The following SLC2A9 variants were observed in gnomAD, a reference collection of about 807,000 sequenced individuals.
SLC2A9 encodes the protein solute carrier family 2, facilitated glucose transporter member 9.
SLC2A9 carries 39 observed loss-of-function variants against 50.6 expected under a neutral mutation model. The ratio of observed to expected loss-of-function variants is 0.77; its 90% CI spans 0.60 to 1.01. The LOEUF is 1.01. SLC2A9 is among the 50% of genes least tolerant of loss of function. The pLI is 0.00. For missense variants in SLC2A9, 686 were observed against 677.6 expected (o/e 1.01, Z -0.14); for synonymous variants, 324 against 276.9 (o/e 1.17, Z -1.69).
intron 3 of SLC2A9, among the ~76,000 whole-genome samples, chr4:9,788,108 T>A (rs1289402722): frequency 6.6e-6 from 1 of 152,196 alleles, no homozygotes; most frequent in Non-Finnish European, 1.5e-5. Flanking sequence ...TCTTTCTAAA[T>A]GTATTGTTGG....
chr4:9,913,326 TGTGTGAGAGAGA>T (rs1006978821), intron 7 of SLC2A9, among the ~76,000 whole-genome samples: 4 of 129,772 alleles, frequency 3.1e-5, no homozygotes, highest in African/African-American at 1.3e-4. Flanking sequence ...TGTGTGTGTG[TGTGTGAGAGAGA>T]GAGAGAGAGA....
At chr4:10,006,879 A>G (rs1277354155) in intron 2 of SLC2A9, among the ~76,000 whole-genome samples, 3 of 151,836 alleles carry the variant, frequency 2.0e-5, no homozygotes, top group Non-Finnish European at 4.4e-5. Context: ...GAGAGTGCCT[A>G]TGTGACCACC....
intron 3 of SLC2A9, among the ~76,000 whole-genome samples, chr4:9,990,588 A>G (rs1757525822): frequency 6.6e-6 from 1 of 152,214 alleles, no homozygotes; most frequent in Admixed American, 6.5e-5. Context: ...ATTTCTTATG[A>G]TTTCTAACCC....
At chr4:9,966,217 A>C in intron 5 of SLC2A9, among the ~76,000 whole-genome samples, 1 of 152,234 alleles carries the variant, frequency 6.6e-6, no homozygotes, top group Non-Finnish European at 1.5e-5. Context: ...GCTCATATGT[A>C]CGAAAGCCTT....
At chr4:9,946,760 A>T (rs1181704415) in intron 5 of SLC2A9, among the ~76,000 whole-genome samples, 2 of 152,162 alleles carry the variant, frequency 1.3e-5, no homozygotes, top group Non-Finnish European at 1.5e-5. Flanking sequence ...ATGTCATCTA[A>T]ATACAACCTT....
rs115942145 is a variant in SLC2A9 at position 9,950,029 on chromosome 4, G to C, written c.682-7984C>G. On this transcript the variant is annotated intron_variant, in intron 5 of 11. Transcript: ENST00000264784. Reference sequence around the variant, plus strand: ...TGGCCACAGCTTTACTGAATCCTGGGGTGGGGAGCATGTGGCTGGTCGTGT... The same window carrying C: ...TGGCCACAGCTTTACTGAATCCTGGCGTGGGGAGCATGTGGCTGGTCGTGT... Among the ~76,000 whole-genome samples the C allele has an allele frequency of 3.5e-3, 527 of 152,180 alleles. 4 individuals are homozygous for C. The highest frequency in any genetic ancestry group is 0.012 in the African/African-American group (478 of 41,508).
downstream of SLC2A9, among the ~76,000 whole-genome samples, chr4:9,823,837 GTTTCATGTATTCTGTGA>G (rs1724736373): frequency 6.6e-6 from 1 of 152,190 alleles, no homozygotes; most frequent in Non-Finnish European, 1.5e-5. Flanking sequence ...TTGTAATTGT[GTTTCATGTATTCTGTGA>G]TTCCAACTGG....
chr4:9,887,368 C>CA (rs1235585813), intron 10 of SLC2A9, among the ~76,000 whole-genome samples, 199 bp downstream of exon 10: 1 of 152,172 alleles, frequency 6.6e-6, no homozygotes, highest in Non-Finnish European at 1.5e-5. Context: ...CAGGTGAGTC[C>CA]ACTTTCACCT....
intron 4 of SLC2A9, 115 bp downstream of exon 4, chr4:9,985,554 C>A: frequency 1.4e-6 from 2 of 1,425,864 alleles, no homozygotes; most frequent in Non-Finnish European, 1.9e-6. Flanking sequence ...TGGTCCCTGC[C>A]AAGTCAATGC....
At chr4:9,891,617 A>G (rs755083847) in intron 8 of SLC2A9, among the ~76,000 whole-genome samples, 7 of 152,226 alleles carry the variant, frequency 4.6e-5, no homozygotes, top group Non-Finnish European at 1.5e-5. Flanking sequence ...TATCACAAAA[A>G]GAGAACACGG....
intron 10 of SLC2A9, among the ~76,000 whole-genome samples, chr4:9,866,284 C>T (rs1732454372): frequency 6.6e-6 from 1 of 151,918 alleles, no homozygotes; most frequent in African/African-American, 2.4e-5. Context: ...GGCAGCTCCC[C>T]TCTGTTGAGA....
intron 11 of SLC2A9, among the ~76,000 whole-genome samples, chr4:9,832,025 T>C (rs10025644): frequency 6.6e-6 from 1 of 152,052 alleles, no homozygotes; most frequent in Admixed American, 6.5e-5. Context: ...AGCTCAGACT[T>C]CTACCTTCTA....
intron 5 of SLC2A9, among the ~76,000 whole-genome samples, chr4:9,959,902 T>C (rs1751978584): frequency 6.6e-6 from 1 of 152,176 alleles, no homozygotes. Context: ...TGAGTCACAT[T>C]CAGGGTCCGA....
rs139684538 is a variant in SLC2A9, at chr4:9,799,700, C to CTCCCA, written n.421-460_421-459insTGGGA. On this transcript the variant is annotated intron_variant and non_coding_transcript_variant, in intron 3 of 3. Coordinates refer to the SLC2A9 transcript ENST00000503280. ...AGCTCCATTCCAATTGTACCCCCCCCCCACCCAACTTCTACACCAGTTTTG... is the reference window on the plus strand; with the variant it reads ...AGCTCCATTCCAATTGTACCCCCCCCTCCCACCACCCAACTTCTACACCAGTTTTG... Among the ~76,000 whole-genome samples, 4 of 93,716 alleles carry CTCCCA rather than the reference C, an allele frequency of 4.3e-5. No individual in the cohort carries two copies. In the Admixed American group the frequency reaches 4.9e-4, roughly 12 times the overall value. 61.5% of individuals were successfully genotyped at this position (93,716 alleles called of 152,430 possible). A position where few individuals can be genotyped will look rare whatever the true frequency, so the allele number is the denominator to read the frequency against.
At chr4:9,976,133 A>C (rs1199890936) in intron 5 of SLC2A9, among the ~76,000 whole-genome samples, 1 of 152,206 alleles carries the variant, frequency 6.6e-6, no homozygotes. Context: ...AGAAAAGTTG[A>C]AAAACTATTG....
chr4:9,817,533 G>A (rs996235667), intron 3 of SLC2A9, among the ~76,000 whole-genome samples: 7 of 152,174 alleles, frequency 4.6e-5, no homozygotes, highest in African/African-American at 1.7e-4. Flanking sequence ...TGTTTCATAT[G>A]CTTAACATAC....
chr4:9,780,798 T>C (rs1310921814), intron 3 of SLC2A9, among the ~76,000 whole-genome samples: 1 of 152,224 alleles, frequency 6.6e-6, no homozygotes, highest in Non-Finnish European at 1.5e-5. Context: ...ATTCTTTTTT[T>C]TCAGTTTGGG....
chr4:9,856,087 T>C (rs1248114678), intron 10 of SLC2A9, among the ~76,000 whole-genome samples: 13 of 152,140 alleles, frequency 8.5e-5, no homozygotes, highest in Non-Finnish European at 1.8e-4. Context: ...CCAAAAGCCA[T>C]TGCAACAAAA....
At chr4:10,034,980 C>G (rs1014224503) in intron 1 of SLC2A9, 1 of 152,240 alleles carries the variant, frequency 6.6e-6, no homozygotes, top group Non-Finnish European at 1.5e-5. Context: ...CTGAAGGAAT[C>G]TGGGATCTCT....
Sources: gnomAD v4.1 joint callset for allele counts (sites outside exome capture counted in the v4.1 genomes callset) on GRCh38, gnomAD v4.1.1 for gene constraint, MANE v1.5 for transcripts, NCBI Gene and HGNC (gene_info 2026-07-23, HGNC 2026-07-21) for gene names.